MYO10: variants seen among roughly 807,000 people sequenced by gnomAD.
MYO10 encodes unconventional myosin-X.
MYO10 carries 133 observed loss-of-function variants against 257.3 expected under a neutral mutation model. That is an observed-to-expected ratio of 0.52 (90% CI 0.45 to 0.60). The LOEUF (loss-of-function observed/expected upper bound fraction) is 0.60, where lower values mean the gene tolerates loss of function less well. Ranked by LOEUF, MYO10 falls within the 20% of genes least tolerant of loss-of-function variation. The pLI, the probability that MYO10 is intolerant of heterozygous loss-of-function variation, is 0.00. For missense variants in MYO10, 2,399 were observed against 2,635.7 expected, an observed-to-expected ratio of 0.91 and a Z score of 1.97; for synonymous variants, 1,104 against 1,028.6, an observed-to-expected ratio of 1.07 and a Z score of -1.40.
intron 4 of MYO10, among the ~76,000 whole-genome samples, chr5:16,790,895 T>TTATATATATATATATA (rs576552609): frequency 3.5e-5 from 5 of 144,492 alleles, no homozygotes; most frequent in African/African-American, 1.3e-4. Context: ...AGTTTTAAAT[T>TTATATATATATATATA]TATATATATA....
intron 4 of MYO10, among the ~76,000 whole-genome samples, chr5:16,784,913 G>A (rs1242877205): frequency 6.6e-6 from 1 of 152,172 alleles, no homozygotes; most frequent in African/African-American, 2.4e-5. Context: ...TGCTCTGCTA[G>A]CGACAGGCCT....
chr5:16,671,594 G>GT, intron 37 of MYO10, 52 bp from the exon 38 acceptor site: 1 of 1,609,800 alleles, frequency 6.2e-7, no homozygotes, highest in Non-Finnish European at 8.5e-7. Flanking sequence ...AGGGCCTTCA[G>GT]TGACCCGCAG....
At chr5:16,690,912 T>C (rs1253791330) in intron 27 of MYO10, among the ~76,000 whole-genome samples, 1 of 151,978 alleles carries the variant, frequency 6.6e-6, no homozygotes, top group Admixed American at 6.6e-5. Flanking sequence ...AGACCAGAGA[T>C]AGTAATACGT....
intron 1 of MYO10, among the ~76,000 whole-genome samples, chr5:16,880,806 G>C (rs138050067): frequency 2.8e-4 from 43 of 152,244 alleles, no homozygotes; most frequent in Middle Eastern, 3.4e-3. Context: ...CTTCCAAAAA[G>C]AACACTGACT....
intron 3 of MYO10, among the ~76,000 whole-genome samples, chr5:16,802,655 T>TA (rs372258804): frequency 0.45 from 44,769 of 100,584 alleles, 10,278 homozygotes; most frequent in East Asian, 0.61. Context: ...AGACTGTCTC[T>TA]AAAAAAAAAA....
chr5:16,918,423 G>T (rs1745884133), intron 1 of MYO10, among the ~76,000 whole-genome samples: 1 of 151,310 alleles, frequency 6.6e-6, no homozygotes, highest in Non-Finnish European at 1.5e-5. Flanking sequence ...AATAACTGAT[G>T]AAATTCAGTG....
chr5:16,921,189 T>C (rs750233220), intron 1 of MYO10, among the ~76,000 whole-genome samples: 1 of 151,152 alleles, frequency 6.6e-6, no homozygotes, highest in Non-Finnish European at 1.5e-5. Flanking sequence ...CCAAGATATA[T>C]GTGGGAGAAG....
intron 2 of MYO10, among the ~76,000 whole-genome samples, chr5:16,858,138 A>T (rs1181617006): frequency 6.6e-6 from 1 of 152,230 alleles, no homozygotes; most frequent in Non-Finnish European, 1.5e-5. Flanking sequence ...GTCACAGATA[A>T]GAGGCCGATG....
At chr5:16,703,488 G>GA (rs970489769) in intron 22 of MYO10, among the ~76,000 whole-genome samples, 2 of 152,236 alleles carry the variant, frequency 1.3e-5, no homozygotes, top group African/African-American at 2.4e-5. Context: ...CTGTTCATAT[G>GA]AAAAAAATCA....
Position 16,711,138 on chromosome 5 carries a change from A to G in MYO10, c.2037T>C (p.Phe679=). ...RKAGYAVRRP[F]QDFYKRYKVL... is the part of the protein sequence containing the mutation. ...CCTCTTGCCTTTTGTAAAAGTCCTG[A>G]AAGGGTCTTCGGACCGCATACCCAG... The change falls in exon 20 of 41, where the codon TTT becomes TTC. Residue 679 remains phenylalanine (F), a synonymous_variant. Transcript: ENST00000513610. The G allele has an allele frequency of 6.2e-7, 1 of 1,613,964 alleles. No homozygotes were observed. Among genetic ancestry groups the G allele is most frequent in the African/African-American group, 1.3e-5 (1 of 75,040 alleles).
At chr5:16,757,301 A>AACACACACACACACACACAAACACAC (rs71595978) in intron 18 of MYO10, among the ~76,000 whole-genome samples, 1 of 84,348 alleles carries the variant, frequency 1.2e-5, no homozygotes, top group Admixed American at 1.1e-4. Context: ...CACACACACA[A>AACACACACACACACACACAAACACAC]ACACACACAC....
chr5:16,802,670 A>G (rs1417996480), intron 3 of MYO10, among the ~76,000 whole-genome samples: 29 of 150,968 alleles, frequency 1.9e-4, no homozygotes, highest in East Asian at 5.9e-4. Flanking sequence ...AAAAAAAAAA[A>G]AAAGAAAGAA....
intron 1 of MYO10, among the ~76,000 whole-genome samples, chr5:16,929,853 A>G (rs139194929): frequency 6.6e-6 from 1 of 152,284 alleles, no homozygotes; most frequent in Non-Finnish European, 1.5e-5. Context: ...ACAGATACTG[A>G]GTACAGGGCT....
chr5:16,684,850 C>G (rs555674950), intron 29 of MYO10, among the ~76,000 whole-genome samples: 15 of 152,138 alleles, frequency 9.9e-5, no homozygotes, highest in African/African-American at 3.4e-4. Flanking sequence ...AGTTCCAGAC[C>G]AGACTGGGCA....
chr5:16,709,430 C>T (rs73051047), intron 21 of MYO10, among the ~76,000 whole-genome samples: 1,526 of 152,284 alleles, frequency 0.01, 29 homozygotes, highest in African/African-American at 0.035. Flanking sequence ...TCTGTGAGAA[C>T]GCTACAACCC....
chr5:16,798,890 C>T (rs1019647400), intron 3 of MYO10, among the ~76,000 whole-genome samples: 16 of 152,028 alleles, frequency 1.1e-4, no homozygotes, highest in African/African-American at 3.9e-4. Context: ...TCCTCAGTTG[C>T]AAGCAGAGGG....
chr5:16,822,105 G>A (rs1283003771), intron 2 of MYO10, among the ~76,000 whole-genome samples: 1 of 152,170 alleles, frequency 6.6e-6, no homozygotes, highest in East Asian at 1.9e-4. Flanking sequence ...TTCAGAAGGT[G>A]CTAAATAAGG....
chr5:16,894,208 C>A (rs1745157345), intron 1 of MYO10, among the ~76,000 whole-genome samples: 1 of 152,128 alleles, frequency 6.6e-6, no homozygotes, highest in Non-Finnish European at 1.5e-5. Flanking sequence ...ACCTAATGTC[C>A]TTTTTCCGTC....
At chr5:16,818,755 T>C (rs1239425056) in intron 2 of MYO10, among the ~76,000 whole-genome samples, 1 of 152,074 alleles carries the variant, frequency 6.6e-6, no homozygotes, top group Non-Finnish European at 1.5e-5. Flanking sequence ...TATATATTTC[T>C]AAAAGAAGCA....
Sources: allele counts gnomAD v4.1 joint callset (sites outside exome capture counted in the v4.1 genomes callset), GRCh38; gene constraint gnomAD v4.1.1; transcripts MANE v1.5; gene names NCBI Gene and HGNC (gene_info 2026-07-23, HGNC 2026-07-21).